CRELD2: variants seen among roughly 807,000 people sequenced by gnomAD.
The protein encoded by CRELD2 is CRELD disulfide isomerase 2.
Under a neutral mutation model 48.1 loss-of-function variants are expected in CRELD2, and 33 were observed. The ratio of observed to expected loss-of-function variants is 0.69; its 90% CI spans 0.52 to 0.92. The LOEUF (loss-of-function observed/expected upper bound fraction) is 0.92, where lower values mean the gene tolerates loss of function less well. Ranked by LOEUF, CRELD2 falls within the 40% of genes least tolerant of loss-of-function variation. The probability of loss-of-function intolerance (pLI) is 0.00; values close to 1 mark genes in which losing one functional copy is unlikely to be tolerated. For synonymous variants in CRELD2, 220 were observed against 203.9 expected (o/e 1.08, Z -0.67); for missense variants, 477 against 482.4 (o/e 0.99, Z 0.10).
intron 6 of CRELD2, among the ~76,000 whole-genome samples, 173 bp downstream of exon 6, chr22:49,922,880 AGG>A (rs2060712984): frequency 3.8e-5 from 1 of 26,588 alleles, no homozygotes; most frequent in Non-Finnish European, 5.8e-5. Context: ...GGGGGGCGTG[AGG>A]TGTGGGGGAG....
At position 49,922,594 on chromosome 22, in the gene CRELD2, C is replaced by T. The variant is rs760622469; in HGVS notation, c.593-18C>T. On this transcript the variant is annotated intron_variant, in intron 5 of 9. Transcript: ENST00000328268. ...CCTGAGAGTGGGGTTTGTACCCAGG[C>T]CCGCCTTTGCCTTCCAGCCTGTGAC... is the stretch of plus-strand genomic sequence containing the variant. 2 of 1,524,228 alleles carry T rather than the reference C, an allele frequency of 1.3e-6. No homozygotes were observed. Among genetic ancestry groups the T allele is most frequent in the Middle Eastern group, 1.7e-4 (1 of 5,898 alleles). The allele number at this position is 1,524,228 out of a possible 1,614,324, so 94.4% of individuals were successfully genotyped here.
chr22:49,919,015 T>C (rs376459057), intron 1 of CRELD2, 117 bp downstream of exon 1: 89,905 of 924,782 alleles, frequency 0.097, 5,462 homozygotes, highest in South Asian at 0.2. Context: ...GGGGTCCCCC[T>C]CACCCTGGAT....
rs12160965 is a variant in CRELD2 at position 49,922,325 on chromosome 22, G to C, written c.593-287G>C. 28,482 of 1,243,046 alleles carry C rather than the reference G, an allele frequency of 0.023. 1,666 individuals carry two copies. The African/African-American group carries it at 0.34, about 15-fold the overall frequency. The allele number at this position is 1,243,046 out of a possible 1,614,324, so 77.0% of individuals were successfully genotyped here. A position where few individuals can be genotyped will look rare whatever the true frequency, so the allele number is the denominator to read the frequency against. On this transcript the variant is annotated intron_variant, in intron 5 of 9. Coordinates refer to ENST00000328268, the MANE Select transcript of CRELD2 (RefSeq NM_024324.5). ...GGACCGGCCTCTCCGATTCTTACCCGCCTTGCTGTCTGTCTCTTGGATGTT... is the reference window on the plus strand; with the variant it reads ...GGACCGGCCTCTCCGATTCTTACCCCCCTTGCTGTCTGTCTCTTGGATGTT...
intron 7 of CRELD2, chr22:49,924,157 G>A (rs2060732394): frequency 6.0e-6 from 3 of 497,966 alleles, no homozygotes; most frequent in Non-Finnish European, 1.1e-5. Flanking sequence ...TCTGCACCAT[G>A]GCTCTCCGGG....
chr22:49,922,405 G>T (rs767689162), intron 5 of CRELD2: 14 of 1,609,292 alleles, frequency 8.7e-6, no homozygotes, highest in Non-Finnish European at 8.5e-6. Flanking sequence ...ACCCAGCCAG[G>T]CTACAGCTCC....
chr22:49,921,872 T>G, intron 5 of CRELD2, 111 bp downstream of exon 5: 5 of 1,154,988 alleles, frequency 4.3e-6, no homozygotes, highest in Non-Finnish European at 6.1e-6. Context: ...TAACCCCAGA[T>G]GTCCAAGGAA....
Position 49,919,270 on chromosome 22 carries a change from A to G in CRELD2, c.170A>G (p.Asn57Ser). 6.2e-7 allele frequency: 1 copy of G among 1,613,740 alleles called. No individual in the cohort carries two copies. The highest frequency in any genetic ancestry group is 8.5e-7 in the Non-Finnish European group (1 of 1,180,010). The change falls in exon 2 of 10, where the codon AAC becomes AGC. Residue 57 changes from asparagine to serine, a missense_variant. Coordinates refer to ENST00000328268, the MANE Select transcript of CRELD2 (RefSeq NM_024324.5). ...DTAKKNFGGG[N>S]TAWEEKTLSK... ...GCAAAGAAGAACTTTGGCGGCGGGA[A>G]CACGGCTTGGGAGGAAAAGACGCTG...
rs1353542228 is a variant in CRELD2 at position 49,918,661 on chromosome 22, C to T, written c.-109C>T. Reference sequence around the variant, plus strand: ...GGCCTCGCCGGCGCCGTCAAGTAGCCTGGGGGACAGGCCGGCGCGGCTGGG... The same window carrying T: ...GGCCTCGCCGGCGCCGTCAAGTAGCTTGGGGGACAGGCCGGCGCGGCTGGG... On this transcript the variant is annotated 5_prime_UTR_variant, in exon 1 of 10. Transcript: ENST00000328268. 2.6e-6 allele frequency: 1 copy of T among 385,904 alleles called. No homozygotes were observed. Among genetic ancestry groups the T allele is most frequent in the African/African-American group, 2.1e-5 (1 of 47,442 alleles). 23.9% of individuals were successfully genotyped at this position (385,904 alleles called of 1,614,324 possible).
rs571117214 is a variant in CRELD2, at chr22:49,927,234, C to T, written c.1010-21C>T. 6.2e-6 allele frequency: 10 copies of T among 1,611,144 alleles called. No individual in the cohort carries two copies. In the African/African-American group the frequency reaches 1.3e-4, roughly 21 times the overall value. On this transcript the variant is annotated intron_variant, in intron 9 of 9. Transcript: ENST00000328268. ...GGCCCTTTGTGCTCAGCCTTGACGA[C>T]CTATGCTTGTTTTCTGACAGAAGCC...
In CRELD2 at chr22:49,919,826, C is replaced by G; in HGVS notation, c.309C>G (p.Ala103=). The G allele has an allele frequency of 6.2e-7, 1 of 1,609,410 alleles. No homozygotes were observed. Among genetic ancestry groups the G allele is most frequent in the Admixed American group, 1.7e-5 (1 of 59,574 alleles). ...AGGCGCAGGAGGAGCACCTGGAGGC[C>G]TGGTGGCTGCAGCTGTGAGTGCCTT... The part of the protein sequence containing the change: ...MLEAQEEHLE[A]WWLQLKSEYP... The change falls in exon 3 of 10, where the codon GCC becomes GCG. Residue 103 remains alanine (A), a synonymous_variant. Transcript: ENST00000328268.
intron 4 of CRELD2, among the ~76,000 whole-genome samples, chr22:49,920,962 C>A (rs2060679678): frequency 6.6e-6 from 1 of 152,258 alleles, no homozygotes; most frequent in Non-Finnish European, 1.5e-5. Flanking sequence ...GCTGAGGCTG[C>A]CCAAAGCCAC....
intron 4 of CRELD2, among the ~76,000 whole-genome samples, chr22:49,921,126 G>T (rs755659546): frequency 6.6e-6 from 1 of 152,224 alleles, no homozygotes; most frequent in African/African-American, 2.4e-5. Flanking sequence ...TGCCTGGCAG[G>T]CCCTGCTGCT....
chr22:49,927,400 G>T lies in CRELD2; in HGVS notation c.*93G>T. 2.0e-6 allele frequency: 2 copies of T among 1,000,964 alleles called. No individual in the cohort carries two copies. Among genetic ancestry groups the T allele is most frequent in the Non-Finnish European group, 3.2e-6 (2 of 625,644 alleles). The allele number at this position is 1,000,964 out of a possible 1,614,324, so 62.0% of individuals were successfully genotyped here. On this transcript the variant is annotated 3_prime_UTR_variant, in exon 10 of 10. Transcript: ENST00000328268. ...GTCTCCTGCAGTGGACAGCGGCGGGGAGAGGCTGCCTGCTCTCTAACGGTT... is the reference window on the plus strand; with the variant it reads ...GTCTCCTGCAGTGGACAGCGGCGGGTAGAGGCTGCCTGCTCTCTAACGGTT...
intron 4 of CRELD2, 119 bp from the exon 5 acceptor site, chr22:49,921,466 A>T: frequency 9.4e-7 from 1 of 1,068,484 alleles, no homozygotes; most frequent in Non-Finnish European, 1.3e-6. Context: ...CCAAGCCTTC[A>T]GGCTCATGTA....
In CRELD2 at chr22:49,918,763, A is replaced by C. The variant is rs914116553; in HGVS notation, c.-7A>C. On this transcript the variant is annotated 5_prime_UTR_variant, in exon 1 of 10. Transcript: ENST00000328268. ...TCCGGCTGCGTCTTCCCGCAGCGCT[A>C]CCCGCCATGCGCCTGCCGCGCCGGG... The C allele has an allele frequency of 8.9e-7, 1 of 1,118,804 alleles. No homozygotes were observed. Among genetic ancestry groups the C allele is most frequent in the Non-Finnish European group, 1.2e-6 (1 of 865,772 alleles). The allele number at this position is 1,118,804 out of a possible 1,614,324, so 69.3% of individuals were successfully genotyped here.
chr22:49,923,589 C>T (rs952586700), intron 7 of CRELD2: 4 of 560,734 alleles, frequency 7.1e-6, no homozygotes, highest in Admixed American at 2.7e-5. Context: ...GCCCCCGCAA[C>T]GTGCCCTGCG....
intron 8 of CRELD2, 107 bp from the exon 9 acceptor site, chr22:49,925,310 C>T (rs967083827): frequency 2.5e-6 from 2 of 790,886 alleles, no homozygotes. Flanking sequence ...TGACGTTTGT[C>T]ATCGTTGTGC....
intron 6 of CRELD2, among the ~76,000 whole-genome samples, chr22:49,922,914 TGG>T: frequency 2.4e-5 from 1 of 41,266 alleles, no homozygotes; most frequent in South Asian, 6.1e-4. Context: ...GCGTGAGGTG[TGG>T]GGGCGTGAGG....
In CRELD2 at chr22:49,919,190, T is replaced by G. The variant is rs372735489; in HGVS notation, c.130-40T>G. On this transcript the variant is annotated intron_variant, in intron 1 of 9. Coordinates refer to ENST00000328268, the MANE Select transcript of CRELD2 (RefSeq NM_024324.5). ...GGCTCGCCCCCACCCTGGACCCGGGTCAGGTGGTACCAAGCACTATGGGCA... is the reference window on the plus strand; with the variant it reads ...GGCTCGCCCCCACCCTGGACCCGGGGCAGGTGGTACCAAGCACTATGGGCA... 20 of 1,597,304 alleles carry G rather than the reference T, an allele frequency of 1.3e-5. No homozygotes were observed. The African/African-American group carries it at 1.3e-4, about 11-fold the overall frequency.
Sources: gnomAD v4.1 joint callset for allele counts (sites outside exome capture counted in the v4.1 genomes callset) on GRCh38, gnomAD v4.1.1 for gene constraint, MANE v1.5 for transcripts, NCBI Gene and HGNC (gene_info 2026-07-23, HGNC 2026-07-21) for gene names.